ENPEP: variants seen among roughly 807,000 people sequenced by gnomAD.
ENPEP encodes the protein glutamyl aminopeptidase.
A neutral mutation model predicts 114.5 loss-of-function variants in ENPEP; 103 were observed. That is an observed-to-expected ratio of 0.90 (90% CI 0.77 to 1.06). The LOEUF is 1.06. Ranked by LOEUF, ENPEP falls within the 50% of genes least tolerant of loss-of-function variation. The probability of loss-of-function intolerance (pLI) is 0.00; values close to 1 mark genes in which losing one functional copy is unlikely to be tolerated. For missense variants in ENPEP, 1,196 were observed against 1,161.3 expected (o/e 1.03, Z -0.43); for synonymous variants, 420 against 422.0 (o/e 1.00, Z 0.06).
At position 110,553,342 on chromosome 4, in the gene ENPEP, C is replaced by A; in HGVS notation, c.2529C>A (p.Asn843Lys). ...SRYLDLLKDT[N>K]LIKTQDVFTV... Reference sequence around the variant, plus strand: ...ATTTGGATTTGCTCAAGGACACGAACCTTATTAAAACTCAGGATGTGTTTA... The same window carrying A: ...ATTTGGATTTGCTCAAGGACACGAAACTTATTAAAACTCAGGATGTGTTTA... Residue 843 changes from asparagine (N) to lysine (K), a missense_variant, in exon 18 of 20, where the codon AAC becomes AAA. Asn to Lys is a moderately conservative substitution (Grantham distance 94, BLOSUM62 0). Transcript: ENST00000265162. 1 of 1,602,206 alleles carries A rather than the reference C, an allele frequency of 6.2e-7. No homozygotes were observed. Among genetic ancestry groups the A allele is most frequent in the South Asian group, 1.1e-5 (1 of 89,246 alleles).
intron 3 of ENPEP, among the ~76,000 whole-genome samples, chr4:110,502,415 T>C (rs139291763): frequency 6.6e-5 from 10 of 152,228 alleles, no homozygotes; most frequent in Non-Finnish European, 1.0e-4. Flanking sequence ...TTTTAGGTTT[T>C]ACACTTTTTA....
intron 3 of ENPEP, among the ~76,000 whole-genome samples, chr4:110,504,072 A>G (rs1278879126): frequency 6.6e-6 from 1 of 152,186 alleles, no homozygotes; most frequent in Non-Finnish European, 1.5e-5. Context: ...GAGCAAGCTC[A>G]GGCTTTATGC....
At chr4:110,510,148 C>G in intron 5 of ENPEP, 97 bp from the exon 6 acceptor site, 1 of 989,132 alleles carries the variant, frequency 1.0e-6, no homozygotes, top group South Asian at 1.5e-5. Context: ...GTCACAGTGA[C>G]AACATTGGCA....
chr4:110,497,900 T>C (rs17551888), intron 3 of ENPEP, among the ~76,000 whole-genome samples: 92,218 of 152,058 alleles, frequency 0.61, 28,473 homozygotes, highest in African/African-American at 0.71. Flanking sequence ...TTCCACCTAC[T>C]ACTGGAAGAA....
intron 10 of ENPEP, among the ~76,000 whole-genome samples, chr4:110,525,648 G>A (rs1219040580): frequency 7.5e-6 from 1 of 133,700 alleles, no homozygotes; most frequent in Non-Finnish European, 1.7e-5. Context: ...ACAAAAAGAT[G>A]TTTTAGAAAG....
intron 3 of ENPEP, among the ~76,000 whole-genome samples, chr4:110,504,474 A>G (rs1204369527): frequency 6.6e-6 from 1 of 152,244 alleles, no homozygotes; most frequent in East Asian, 1.9e-4. Context: ...AGCTGCTGCT[A>G]CTGGGAATGT....
At chr4:110,549,996 T>C in intron 17 of ENPEP, 110 bp downstream of exon 17, 3 of 1,094,986 alleles carry the variant, frequency 2.7e-6, no homozygotes, top group Non-Finnish European at 3.8e-6. Flanking sequence ...AAAAAATCCA[T>C]TAAAAGTTAT....
In ENPEP at chr4:110,520,006, A is replaced by T; in HGVS notation, c.1510-2A>T. 1 of 1,613,008 alleles carries T rather than the reference A, an allele frequency of 6.2e-7. No homozygotes were observed. Among genetic ancestry groups the T allele is most frequent in the Non-Finnish European group, 8.5e-7 (1 of 1,179,362 alleles). On this transcript the variant is annotated splice_acceptor_variant, in intron 8 of 19. Transcript: ENST00000265162. LOFTEE classifies it high-confidence loss of function. ...AACATGCTGATTATTTTTTACACAC[A>T]GATGTACTTGGAAAAATACCAATTC... is the stretch of plus-strand genomic sequence containing the variant.
chr4:110,476,971 A>G lies in ENPEP; in HGVS notation c.557A>G (p.Tyr186Cys), dbSNP rs796727843. ...ELTPSSGDGL[Y>C]LLTMEFAGWL... Reference sequence around the variant, plus strand: ...ACCCCCAGCAGTGGAGATGGCCTGTATCTCCTGACCATGGAGTTCGCCGGC... The same window carrying G: ...ACCCCCAGCAGTGGAGATGGCCTGTGTCTCCTGACCATGGAGTTCGCCGGC... The change falls in exon 1 of 20, where the codon TAT (tyrosine) becomes TGT (cysteine). Residue 186 changes from tyrosine to cysteine, a missense_variant. Physicochemically the swap from Tyr to Cys is radical, Grantham distance 194. Coordinates refer to ENST00000265162, the MANE Select transcript of ENPEP (RefSeq NM_001977.4). 5 of 1,614,076 alleles carry G rather than the reference A, an allele frequency of 3.1e-6. No homozygotes were observed. The African/African-American group carries it at 4.0e-5, about 13-fold the overall frequency.
At chr4:110,557,482 G>A (rs917127124) in intron 18 of ENPEP, among the ~76,000 whole-genome samples, 1 of 152,202 alleles carries the variant, frequency 6.6e-6, no homozygotes, top group Non-Finnish European at 1.5e-5. Context: ...TAAAGAGGCT[G>A]GAGGAATGCT....
chr4:110,476,689 G>A lies in ENPEP; in HGVS notation c.275G>A (p.Arg92Gln), dbSNP rs774784703. 9.3e-6 allele frequency: 15 copies of A among 1,613,660 alleles called. No individual in the cohort carries two copies. The highest frequency in any genetic ancestry group is 1.3e-5 in the African/African-American group (1 of 74,912). Residue 92 changes from arginine to glutamine, a missense_variant, in exon 1 of 20, where the codon CGA becomes CAA. Coordinates refer to ENST00000265162, the MANE Select transcript of ENPEP (RefSeq NM_001977.4). ...EDESGQWKNFRLPDFVNPVHY... is the reference protein window; with the variant it reads ...EDESGQWKNFQLPDFVNPVHY... ...GAGAGCGGACAGTGGAAAAACTTTC[G>A]ACTGCCGGACTTCGTCAACCCAGTC...
intron 11 of ENPEP, among the ~76,000 whole-genome samples, chr4:110,537,436 C>T (rs1340125316): frequency 6.6e-6 from 1 of 152,202 alleles, no homozygotes; most frequent in Non-Finnish European, 1.5e-5. Flanking sequence ...GAAGCAACTC[C>T]TCACCTATTC....
intron 18 of ENPEP, among the ~76,000 whole-genome samples, chr4:110,557,164 C>A (rs1331698391): frequency 6.6e-6 from 1 of 152,082 alleles, no homozygotes; most frequent in African/African-American, 2.4e-5. Context: ...GGCCAGAAGT[C>A]CAGGTAAAGT....
chr4:110,485,437 A>C (rs9997802), intron 1 of ENPEP, among the ~76,000 whole-genome samples: 22,387 of 152,072 alleles, frequency 0.15, 2,198 homozygotes, highest in African/African-American at 0.27. Context: ...ACATGGAAAC[A>C]TCCTCTCCCT....
chr4:110,484,332 C>T (rs1252918298), intron 1 of ENPEP, among the ~76,000 whole-genome samples: 2 of 152,110 alleles, frequency 1.3e-5, no homozygotes, highest in Admixed American at 6.6e-5. Context: ...GTCAAGATCA[C>T]ACTTTAGTAG....
chr4:110,561,512 G>A lies in ENPEP; in HGVS notation c.2828G>A (p.Arg943Lys). The A allele has an allele frequency of 1.2e-6, 2 of 1,613,914 alleles. No homozygotes were observed. The highest frequency in any genetic ancestry group is 1.7e-6 in the Non-Finnish European group (2 of 1,179,888). The change falls in exon 20 of 20, where the codon AGA becomes AAA. Residue 943 changes from arginine (R) to lysine (K), a missense_variant. By Grantham distance (26) the Arg-to-Lys change is conservative. Transcript: ENST00000265162. ...AATATAGAGTGGCTAAAACAACATAGAAACACCATCAGAGAATGGTTTTTT... is the reference window on the plus strand; with the variant it reads ...AATATAGAGTGGCTAAAACAACATAAAAACACCATCAGAGAATGGTTTTTT... ...KNNIEWLKQH[R>K]NTIREWFFNL... is the part of the protein sequence containing the mutation.
intron 1 of ENPEP, among the ~76,000 whole-genome samples, chr4:110,485,480 C>A (rs569245134): frequency 6.6e-6 from 1 of 152,010 alleles, no homozygotes; most frequent in South Asian, 2.1e-4. Flanking sequence ...ATTTCTTAAG[C>A]ACGGGGGCAT....
chr4:110,523,161 C>A (rs141513293), intron 10 of ENPEP, among the ~76,000 whole-genome samples: 4 of 152,172 alleles, frequency 2.6e-5, no homozygotes, highest in Admixed American at 2.6e-4. Context: ...AAAGCCCATC[C>A]GTTTGGTCAA....
At position 110,531,227 on chromosome 4, in the gene ENPEP, C is replaced by T. The variant is rs780261182; in HGVS notation, c.1757C>T (p.Thr586Ile). The T allele has an allele frequency of 4.8e-6, 7 of 1,462,916 alleles. No individual in the cohort carries two copies. In the Admixed American group the frequency reaches 1.5e-4, roughly 32 times the overall value. The allele number at this position is 1,462,916 out of a possible 1,614,324, so 90.6% of individuals were successfully genotyped here. A position where few individuals can be genotyped will look rare whatever the true frequency, so the allele number is the denominator to read the frequency against. Reference protein sequence around the residue: ...GYTWNIPVKWTEDNITSSVLF... With the variant: ...GYTWNIPVKWIEDNITSSVLF... Reference sequence around the variant, plus strand: ...ACATGGAATATCCCAGTTAAATGGACTGAAGATAATATAACAAGCAGTGTG... The same window carrying T: ...ACATGGAATATCCCAGTTAAATGGATTGAAGATAATATAACAAGCAGTGTG... The change falls in exon 11 of 20, where the codon ACT (threonine) becomes ATT (isoleucine). Residue 586 changes from threonine to isoleucine, a missense_variant. Transcript: ENST00000265162.
Sources: allele counts gnomAD v4.1 joint callset (sites outside exome capture counted in the v4.1 genomes callset), GRCh38; gene constraint gnomAD v4.1.1; transcripts MANE v1.5; gene names NCBI Gene and HGNC (gene_info 2026-07-23, HGNC 2026-07-21).